MACROD1: variants seen among roughly 807,000 people sequenced by gnomAD.
MACROD1 encodes ADP-ribose glycohydrolase MACROD1.
Under a neutral mutation model 41.4 loss-of-function variants are expected in MACROD1, and 31 were observed. The observed-to-expected ratio is 0.75, with a 90% confidence interval of 0.56 to 1.01. The LOEUF is 1.01. MACROD1 is among the 50% of genes least tolerant of loss of function. The probability of loss-of-function intolerance (pLI) is 0.00; values close to 1 mark genes in which losing one functional copy is unlikely to be tolerated. For synonymous variants in MACROD1, 252 were observed against 203.4 expected (o/e 1.24, Z -2.03); for missense variants, 473 against 460.0 (o/e 1.03, Z -0.26).
Position 64,090,797 on chromosome 11 carries a change from T to TG in MACROD1, c.517+60441_517+60442insC, listed in dbSNP as rs1286785182. On this transcript the variant is annotated intron_variant, in intron 3 of 10. Transcript: ENST00000255681. The surrounding 1 kb of genome is among the most constrained non-coding windows in gnomAD (Gnocchi z 4.7). Reference sequence around the variant, plus strand: ...CGTCTCTCCACCAGGCACTTGGGGTTTGTCTCTGGGGCTCTGCAGAAGCAG... The same window carrying TG: ...CGTCTCTCCACCAGGCACTTGGGGTTGTGTCTCTGGGGCTCTGCAGAAGCAG... Among the ~76,000 whole-genome samples, 1 of 151,916 alleles carries TG rather than the reference T, an allele frequency of 6.6e-6. No individual in the cohort carries two copies. The highest frequency in any genetic ancestry group is 1.5e-5 in the Non-Finnish European group (1 of 67,982).
intron 3 of MACROD1, among the ~76,000 whole-genome samples, chr11:64,063,510 A>G (rs1195532527): frequency 6.6e-6 from 1 of 152,152 alleles, no homozygotes; most frequent in Non-Finnish European, 1.5e-5. Context: ...GCATCCTGGC[A>G]AAGTCCCAGG....
At chr11:64,015,326 CGGCG>C in intron 3 of MACROD1, 45 bp from the exon 4 acceptor site, 2 of 1,568,328 alleles carry the variant, frequency 1.3e-6, no homozygotes, top group South Asian at 2.4e-5. Flanking sequence ...GAAGGGGCTG[CGGCG>C]GGAGTATCAG....
At chr11:64,097,648 A>T (rs1590904101) in intron 3 of MACROD1, among the ~76,000 whole-genome samples, 1 of 152,330 alleles carries the variant, frequency 6.6e-6, no homozygotes, top group African/African-American at 2.4e-5. Context: ...GGAGGCTGGG[A>T]GGGTTCGCAC....
intron 3 of MACROD1, among the ~76,000 whole-genome samples, chr11:64,038,681 G>C (rs575430478): frequency 6.6e-6 from 1 of 152,324 alleles, no homozygotes; most frequent in African/African-American, 2.4e-5. Flanking sequence ...CCTGATCTCA[G>C]AGATGGGGCC....
At chr11:64,132,682 C>T (rs1590953396) in intron 3 of MACROD1, among the ~76,000 whole-genome samples, 3 of 152,254 alleles carry the variant, frequency 2.0e-5, no homozygotes, top group Middle Eastern at 3.4e-3. Flanking sequence ...GCTGTGTGCC[C>T]GGGTCTCCTA....
intron 3 of MACROD1, among the ~76,000 whole-genome samples, chr11:64,136,577 A>AAGGATGCAACAAGGCC (rs1378530662): frequency 5.3e-5 from 8 of 152,286 alleles, no homozygotes; most frequent in African/African-American, 1.4e-4. Flanking sequence ...CTTTCCAGGC[A>AAGGATGCAACAAGGCC]AGGATGCAAC....
chr11:64,072,041 C>T (rs374797384), intron 3 of MACROD1, among the ~76,000 whole-genome samples: 34 of 152,192 alleles, frequency 2.2e-4, no homozygotes, highest in African/African-American at 7.7e-4. Flanking sequence ...GACCGCCGCG[C>T]GCACTAAATC....
chr11:64,000,053 C>T, intron 5 of MACROD1, 174 bp downstream of exon 5: 1 of 637,678 alleles, frequency 1.6e-6, no homozygotes, highest in Admixed American at 2.9e-5. Flanking sequence ...CGCACGGTCT[C>T]CCCCATGTGC....
chr11:64,135,357 C>A (rs1945318221), intron 3 of MACROD1, among the ~76,000 whole-genome samples: 1 of 152,234 alleles, frequency 6.6e-6, no homozygotes, highest in African/African-American at 2.4e-5. Context: ...CTACAACGGT[C>A]CCTAAAGAGC....
chr11:64,116,617 A>G (rs1944986681), intron 3 of MACROD1: 1 of 1,613,974 alleles, frequency 6.2e-7, no homozygotes, highest in Non-Finnish European at 8.5e-7. Context: ...TACGAGAATG[A>G]CCTGGATGAG....
intron 3 of MACROD1, among the ~76,000 whole-genome samples, chr11:64,035,781 C>A (rs1359465891): frequency 6.9e-6 from 1 of 145,532 alleles, no homozygotes; most frequent in Non-Finnish European, 1.5e-5. Flanking sequence ...GCCCCCGCCG[C>A]CGCCGCCGCG....
At position 63,999,382 on chromosome 11, in the gene MACROD1, G is replaced by C. The variant is rs1194328004; in HGVS notation, c.840C>G (p.Ala280=). The change falls in exon 8 of 11, where the codon GCC becomes GCG. Residue 280 remains alanine (A), a synonymous_variant. Coordinates refer to ENST00000255681, the MANE Select transcript of MACROD1 (RefSeq NM_014067.4). The stretch of plus-strand genomic sequence containing the variant: ...CTCGCAGCGTGGCCAGCACGATCTC[G>C]GCGGCCGCCTCACAGGGGTAGCCTG... ...GVFGYPCEAA[A]EIVLATLREW... 2 of 1,591,792 alleles carry C rather than the reference G, an allele frequency of 1.3e-6. No individual in the cohort carries two copies. Among genetic ancestry groups the C allele is most frequent in the East Asian group, 2.3e-5 (1 of 44,414 alleles).
chr11:64,086,691 CAG>C (rs1392495727), intron 3 of MACROD1, among the ~76,000 whole-genome samples: 2 of 152,140 alleles, frequency 1.3e-5, no homozygotes, highest in Non-Finnish European at 2.9e-5. Flanking sequence ...TCAGGGAAGA[CAG>C]AGAGGGGGAG....
At chr11:64,002,900 G>A (rs1363294865) in intron 4 of MACROD1, among the ~76,000 whole-genome samples, 1 of 152,084 alleles carries the variant, frequency 6.6e-6, no homozygotes, top group African/African-American at 2.4e-5. Flanking sequence ...CTGATCCCTG[G>A]GGCTACCTGG....
intron 3 of MACROD1, among the ~76,000 whole-genome samples, chr11:64,060,187 G>C (rs531755818): frequency 4.5e-4 from 69 of 152,374 alleles, no homozygotes; most frequent in African/African-American, 1.6e-3. Flanking sequence ...GCCAGCATCT[G>C]CCCAGCGGGC....
At chr11:64,071,663 C>G (rs1269200568) in intron 3 of MACROD1, among the ~76,000 whole-genome samples, 2 of 152,198 alleles carry the variant, frequency 1.3e-5, no homozygotes, top group African/African-American at 4.8e-5. Context: ...GAAGTGGGAA[C>G]CACAGAGCCC....
At chr11:64,066,091 G>A (rs1156477636) in intron 3 of MACROD1, among the ~76,000 whole-genome samples, 3 of 152,028 alleles carry the variant, frequency 2.0e-5, no homozygotes, top group Admixed American at 2.0e-4. Flanking sequence ...GAGGTCAGGA[G>A]CTCAAGAGCA....
chr11:64,024,054 C>T (rs2134353914), intron 3 of MACROD1, among the ~76,000 whole-genome samples: 1 of 152,320 alleles, frequency 6.6e-6, no homozygotes, highest in South Asian at 2.1e-4. Flanking sequence ...TCAACACCCC[C>T]TCTCCAAGCC....
intron 1 of MACROD1, among the ~76,000 whole-genome samples, chr11:64,152,871 G>A (rs890660843): frequency 2.6e-5 from 4 of 152,300 alleles, no homozygotes; most frequent in South Asian, 2.1e-4. Context: ...TGCAGGCAGC[G>A]GGACAGCTGT....
Sources: allele counts gnomAD v4.1 joint callset (sites outside exome capture counted in the v4.1 genomes callset), GRCh38; gene constraint gnomAD v4.1.1; non-coding constraint Gnocchi (gnomAD v3.1); transcripts MANE v1.5; gene names NCBI Gene and HGNC (gene_info 2026-07-23, HGNC 2026-07-21).